The following TSNARE1 variants were observed in gnomAD, a reference collection of about 807,000 sequenced individuals.
The protein encoded by TSNARE1 is t-SNARE domain containing 1, also known as t-SNARE domain-containing protein 1.
TSNARE1 carries 49 observed loss-of-function variants against 62.0 expected under a neutral mutation model. That is an observed-to-expected ratio of 0.79 (90% confidence interval 0.63 to 1.00). The LOEUF (loss-of-function observed/expected upper bound fraction) is 1.00. TSNARE1 is among the 50% of genes least tolerant of loss of function. The pLI is 0.00. For missense variants in TSNARE1, 755 were observed against 700.1 expected (o/e 1.08, Z -0.88); for synonymous variants, 328 against 294.4 (o/e 1.11, Z -1.17).
intron 13 of TSNARE1, among the ~76,000 whole-genome samples, chr8:142,217,075 C>G (rs1442930241): frequency 6.6e-6 from 1 of 151,940 alleles, no homozygotes; most frequent in Admixed American, 6.6e-5. Context: ...AACCTTGACT[C>G]TACTAAAAAT....
chr8:142,357,665 G>C (rs1228014031), intron 1 of TSNARE1, among the ~76,000 whole-genome samples: 3 of 152,326 alleles, frequency 2.0e-5, no homozygotes, highest in African/African-American at 7.2e-5. Context: ...GTGCCAGAAA[G>C]TGAGGGGAGC....
At chr8:142,271,217 A>G (rs539612113) in intron 12 of TSNARE1, 2 of 1,000,548 alleles carry the variant, frequency 2.0e-6, no homozygotes, top group South Asian at 4.6e-5. Flanking sequence ...ACCGTCCTGG[A>G]GTGAGGGTGA....
intron 13 of TSNARE1, among the ~76,000 whole-genome samples, chr8:142,223,460 TCACTCATTCACTAACTCATC>T (rs1483106251): frequency 8.4e-3 from 16 of 1,904 alleles, no homozygotes; most frequent in Non-Finnish European, 0.013. Context: ...ATTCGCTCAT[TCACTCATTCACTAACTCATC>T]CACTCACTCA....
chr8:142,234,203 C>A (rs181261982), intron 12 of TSNARE1, among the ~76,000 whole-genome samples: 1 of 152,120 alleles, frequency 6.6e-6, no homozygotes, highest in East Asian at 1.9e-4. Flanking sequence ...GGCGCCATGA[C>A]CACCACCATG....
intron 12 of TSNARE1, among the ~76,000 whole-genome samples, chr8:142,262,133 A>G (rs1295043941): frequency 6.6e-6 from 1 of 152,256 alleles, no homozygotes; most frequent in Non-Finnish European, 1.5e-5. Context: ...GTGGTGGGAC[A>G]GCAGTCTCTC....
At chr8:142,270,351 G>A (rs1023899793) in intron 12 of TSNARE1, 3 of 985,278 alleles carry the variant, frequency 3.0e-6, no homozygotes, top group Non-Finnish European at 3.6e-6. Context: ...TCCAACTCAC[G>A]TGCTCGTCAG....
chr8:142,369,769 C>G (rs1472308820), intron 1 of TSNARE1, among the ~76,000 whole-genome samples: 1 of 152,092 alleles, frequency 6.6e-6, no homozygotes, highest in Non-Finnish European at 1.5e-5. Flanking sequence ...TTACCCAAAC[C>G]AAAACACAGA....
intron 11 of TSNARE1, among the ~76,000 whole-genome samples, chr8:142,284,199 TGAGCGGAGCAG>T (rs1822292109): frequency 6.6e-6 from 1 of 152,094 alleles, no homozygotes; most frequent in African/African-American, 2.4e-5. Context: ...CCAGTGTCAA[TGAGCGGAGCAG>T]GGACTAGTGG....
chr8:142,263,455 C>T (rs1430471959), intron 12 of TSNARE1, among the ~76,000 whole-genome samples: 5 of 152,202 alleles, frequency 3.3e-5, no homozygotes, highest in Non-Finnish European at 5.9e-5. Context: ...GGGATCACCA[C>T]GGTTTAGTTC....
intron 10 of TSNARE1, 93 bp downstream of exon 10, chr8:142,300,393 G>A (rs1185844756): frequency 2.8e-6 from 4 of 1,427,942 alleles, no homozygotes; most frequent in South Asian, 2.7e-5. Context: ...TCAAGGGCAA[G>A]CAATGGTGCA....
chr8:142,236,182 T>G (rs1817411112), intron 12 of TSNARE1, among the ~76,000 whole-genome samples: 1 of 152,038 alleles, frequency 6.6e-6, no homozygotes, highest in Non-Finnish European at 1.5e-5. Context: ...TGACTTCTGT[T>G]ACAACGAGCC....
intron 1 of TSNARE1, among the ~76,000 whole-genome samples, chr8:142,361,822 G>C (rs7007696): frequency 0.18 from 28,104 of 152,190 alleles, 2,891 homozygotes; most frequent in East Asian, 0.29. Flanking sequence ...ACAGGGAGCA[G>C]AGGCCTAGAT....
At chr8:142,366,581 TCAA>T (rs1288762713) in intron 1 of TSNARE1, among the ~76,000 whole-genome samples, 1 of 152,156 alleles carries the variant, frequency 6.6e-6, no homozygotes, top group Admixed American at 6.5e-5. Flanking sequence ...AAAAACAGCA[TCAA>T]CAGAGTTGAA....
chr8:142,279,218 T>A (rs1474898314), intron 11 of TSNARE1, among the ~76,000 whole-genome samples: 2 of 152,190 alleles, frequency 1.3e-5, no homozygotes, highest in Non-Finnish European at 2.9e-5. Flanking sequence ...CCTGGCTGCC[T>A]AAGGACAGCC....
chr8:142,388,132 TTAATA>T (rs1395717807), intron 1 of TSNARE1, among the ~76,000 whole-genome samples: 1 of 152,182 alleles, frequency 6.6e-6, no homozygotes, highest in Non-Finnish European at 1.5e-5. Flanking sequence ...ATTCACTATA[TTAATA>T]TGTCTTAAGA....
intron 10 of TSNARE1, among the ~76,000 whole-genome samples, chr8:142,293,754 T>C (rs1296103413): frequency 6.6e-6 from 1 of 152,160 alleles, no homozygotes; most frequent in African/African-American, 2.4e-5. Flanking sequence ...CTGGGTGCTA[T>C]TGGTGTTCAG....
intron 13 of TSNARE1, among the ~76,000 whole-genome samples, chr8:142,219,717 G>A (rs1202491300): frequency 6.6e-6 from 1 of 152,208 alleles, no homozygotes; most frequent in Non-Finnish European, 1.5e-5. Context: ...AGGCAGGACT[G>A]GATGCCCGGG....
intron 1 of TSNARE1, among the ~76,000 whole-genome samples, chr8:142,401,360 C>T (rs376751415): frequency 5.9e-4 from 90 of 151,972 alleles, no homozygotes; most frequent in African/African-American, 2.1e-3. Context: ...GCATTCCAAG[C>T]AGAAGGCTCT....
intron 11 of TSNARE1, among the ~76,000 whole-genome samples, chr8:142,283,216 A>G (rs1227915418): frequency 9.9e-4 from 52 of 52,396 alleles, no homozygotes; most frequent in Middle Eastern, 0.014. Flanking sequence ...TAAGGGCAAA[A>G]GCGGGATCAG....
Sources: gnomAD v4.1 joint callset for allele counts (sites outside exome capture counted in the v4.1 genomes callset) on GRCh38, gnomAD v4.1.1 for gene constraint, MANE v1.5 for transcripts, NCBI Gene and HGNC (gene_info 2026-07-23, HGNC 2026-07-21) for gene names.